Variants in COPG2 observed in about 807,000 individuals in gnomAD.
COPG2 encodes the protein coatomer subunit gamma-2.
Under a neutral mutation model 46.3 loss-of-function variants are expected in COPG2, and 37 were observed. The ratio of observed to expected loss-of-function variants is 0.80; its 90% confidence interval spans 0.61 to 1.05. The LOEUF (loss-of-function observed/expected upper bound fraction) is 1.05. Among genes scored for constraint, COPG2 ranks in the 50% least tolerant of loss-of-function variants. COPG2 has a pLI of 0.00. For synonymous variants in COPG2, 159 were observed against 129.7 expected (o/e 1.23, Z -1.53); for missense variants, 427 against 387.8 (o/e 1.10, Z -0.85).
chr7:130,587,237 G>A (rs1431401509), intron 9 of COPG2, among the ~76,000 whole-genome samples: 3 of 151,874 alleles, frequency 2.0e-5, no homozygotes, highest in African/African-American at 7.2e-5. Context: ...AACACAGAAG[G>A]TGGACGCTAC....
rs193066679 is a variant in COPG2, at chr7:130,609,815, G to T, written c.737+1138C>A. Among the ~76,000 whole-genome samples, 228 of 151,962 alleles carry T rather than the reference G, an allele frequency of 1.5e-3. 5 individuals are homozygous for T. In the East Asian group the frequency reaches 0.04, roughly 27 times the overall value. Reference sequence around the variant, plus strand: ...GTGCTTCAAATAAATTTTTATTTTTGATATTGTATTTTTTGGTTCAAGATT... The same window carrying T: ...GTGCTTCAAATAAATTTTTATTTTTTATATTGTATTTTTTGGTTCAAGATT... On this transcript the variant is annotated intron_variant, in intron 9 of 23. Transcript: ENST00000425248.
chr7:130,638,381 C>T (rs1259172892), intron 5 of COPG2, among the ~76,000 whole-genome samples: 2 of 152,202 alleles, frequency 1.3e-5, no homozygotes, highest in African/African-American at 2.4e-5. Context: ...TATCCAAAAG[C>T]CCCTAACTGG....
intron 9 of COPG2, among the ~76,000 whole-genome samples, chr7:130,571,521 T>C (rs1793898965): frequency 6.6e-6 from 1 of 152,062 alleles, no homozygotes; most frequent in African/African-American, 2.4e-5. Flanking sequence ...CCTGCAAGAA[T>C]GGCCATAATT....
intron 20 of COPG2, among the ~76,000 whole-genome samples, chr7:130,542,424 G>A (rs1793348143): frequency 6.6e-6 from 1 of 152,072 alleles, no homozygotes; most frequent in Admixed American, 6.5e-5. Context: ...GCAGAACTGA[G>A]AATACAGGAC....
chr7:130,650,823 T>C (rs1273866337), intron 5 of COPG2, among the ~76,000 whole-genome samples: 1 of 152,178 alleles, frequency 6.6e-6, no homozygotes. Context: ...ATATGGTACA[T>C]TGCCAGTAAT....
intron 5 of COPG2, among the ~76,000 whole-genome samples, chr7:130,647,664 T>C (rs1476310503): frequency 1.3e-5 from 2 of 152,142 alleles, no homozygotes; most frequent in Non-Finnish European, 1.5e-5. Flanking sequence ...AATAGGCTTT[T>C]TTATTTTGGT....
intron 20 of COPG2, among the ~76,000 whole-genome samples, chr7:130,513,304 AAAAAATATATATAT>A (rs1218296674): frequency 0.013 from 631 of 48,332 alleles, 21 homozygotes; most frequent in African/African-American, 0.045. Context: ...AAAAAAAAAA[AAAAAATATATATAT>A]ATATATATAT....
At chr7:130,638,012 G>C (rs1795380263) in intron 5 of COPG2, among the ~76,000 whole-genome samples, 1 of 152,144 alleles carries the variant, frequency 6.6e-6, no homozygotes, top group Admixed American at 6.5e-5. Flanking sequence ...ATTTGCTGGA[G>C]GTCCACTCCA....
At position 130,582,370 on chromosome 7, in the gene COPG2, G is replaced by A. The variant is rs549743840; in HGVS notation, c.738-17977C>T. Among the ~76,000 whole-genome samples the A allele has an allele frequency of 8.8e-3, 1,310 of 148,104 alleles. 8 individuals are homozygous for A. The highest frequency in any genetic ancestry group is 0.035 in the South Asian group (161 of 4,610). On this transcript the variant is annotated intron_variant, in intron 9 of 23. Transcript: ENST00000425248. ...TTCAAGATGGATTAAAGACTTAAAC[G>A]TTAGACCTAAAACCATAAAAACCCT...
intron 8 of COPG2, among the ~76,000 whole-genome samples, chr7:130,611,939 C>A (rs1278732081): frequency 6.6e-6 from 1 of 152,202 alleles, no homozygotes; most frequent in Non-Finnish European, 1.5e-5. Flanking sequence ...AATATTCCTA[C>A]AAAGGGTCAT....
At chr7:130,586,287 A>G (rs1794267315) in intron 9 of COPG2, among the ~76,000 whole-genome samples, 1 of 151,980 alleles carries the variant, frequency 6.6e-6, no homozygotes, top group South Asian at 2.1e-4. Context: ...AGGCATACAA[A>G]TCATACAATG....
intron 20 of COPG2, among the ~76,000 whole-genome samples, chr7:130,514,882 G>T (rs1322545580): frequency 6.6e-6 from 1 of 152,140 alleles, no homozygotes; most frequent in Non-Finnish European, 1.5e-5. Flanking sequence ...TCTCAGAATG[G>T]GCCCAACTGG....
intron 5 of COPG2, among the ~76,000 whole-genome samples, chr7:130,648,815 C>T (rs917485605): frequency 5.3e-5 from 8 of 152,188 alleles, no homozygotes; most frequent in Non-Finnish European, 7.3e-5. Flanking sequence ...GGGTAACCAG[C>T]GTGTATTTAA....
At chr7:130,508,008 C>T in intron 21 of COPG2, 185 bp from the exon 22 acceptor site, 1 of 557,536 alleles carries the variant, frequency 1.8e-6, no homozygotes, top group Non-Finnish European at 3.2e-6. Context: ...AACAGAACAT[C>T]TGGCAAGAGC....
intron 12 of COPG2, 129 bp downstream of exon 12, chr7:130,560,904 T>C: frequency 2.5e-6 from 1 of 396,162 alleles, no homozygotes; most frequent in Non-Finnish European, 4.4e-6. Flanking sequence ...GTAATAACTA[T>C]GAAAGAAAAA....
intron 9 of COPG2, among the ~76,000 whole-genome samples, chr7:130,572,349 A>G (rs1450576181): frequency 6.6e-6 from 1 of 152,224 alleles, no homozygotes; most frequent in Non-Finnish European, 1.5e-5. Context: ...GACTTGAACA[A>G]CATGATCAAC....
intron 20 of COPG2, among the ~76,000 whole-genome samples, chr7:130,523,103 A>T (rs1300603826): frequency 1.3e-5 from 1 of 75,780 alleles, no homozygotes; most frequent in African/African-American, 5.2e-5. Flanking sequence ...TGGGCGACAG[A>T]GTGAAACTCT....
chr7:130,511,301 G>T, intron 20 of COPG2: 1 of 405,352 alleles, frequency 2.5e-6, no homozygotes, highest in Non-Finnish European at 4.8e-6. Flanking sequence ...CAAAAGATTA[G>T]AAAGAAGGCA....
intron 9 of COPG2, among the ~76,000 whole-genome samples, chr7:130,577,767 C>CA (rs782674348): frequency 0.031 from 2,448 of 77,782 alleles, 47 homozygotes; most frequent in Middle Eastern, 0.048. Flanking sequence ...GACTCCGTCT[C>CA]AAAAAAAAAA....
Sources: gnomAD v4.1 joint callset for allele counts (sites outside exome capture counted in the v4.1 genomes callset) on GRCh38, gnomAD v4.1.1 for gene constraint, MANE v1.5 for transcripts, NCBI Gene and HGNC (gene_info 2026-07-23, HGNC 2026-07-21) for gene names.